SLTM: variants seen among roughly 807,000 people sequenced by gnomAD.
SLTM encodes SAFB like transcription modulator.
In SLTM, 43 loss-of-function variants were observed where a neutral mutation model predicts 134.6. The ratio of observed to expected loss-of-function variants is 0.32; its 90% CI spans 0.25 to 0.41. The LOEUF (loss-of-function observed/expected upper bound fraction) is 0.41, where lower values mean the gene tolerates loss of function less well. Among genes scored for constraint, SLTM ranks in the 10% least tolerant of loss-of-function variants. SLTM has a pLI of 1.00. For synonymous variants in SLTM, 424 were observed against 432.3 expected, an observed-to-expected ratio of 0.98 and a Z score of 0.24; for missense variants, 1,055 against 1,288.8, an observed-to-expected ratio of 0.82 and a Z score of 2.78.
At chr15:58,928,321 T>C (rs1014366791) in intron 2 of SLTM, among the ~76,000 whole-genome samples, 22 of 152,310 alleles carry the variant, frequency 1.4e-4, no homozygotes, top group African/African-American at 4.3e-4. Context: ...CCTGTTTAAC[T>C]ACTTTTTAAA....
chr15:58,884,561 C>T (rs1289485155), intron 19 of SLTM, among the ~76,000 whole-genome samples: 1 of 152,134 alleles, frequency 6.6e-6, no homozygotes, highest in Non-Finnish European at 1.5e-5. Flanking sequence ...TCATGATCCG[C>T]CCGCCTAGGC....
intron 19 of SLTM, among the ~76,000 whole-genome samples, chr15:58,886,259 G>A (rs867271113): frequency 1.9e-5 from 2 of 107,782 alleles, no homozygotes; most frequent in Non-Finnish European, 1.9e-5. Context: ...GTGTGTGTGT[G>A]TGTGTGTATT....
At chr15:58,913,354 T>C in intron 4 of SLTM, 145 bp downstream of exon 4, 1 of 583,128 alleles carries the variant, frequency 1.7e-6, no homozygotes, top group Non-Finnish European at 2.8e-6. Flanking sequence ...CCTAAGGTGG[T>C]AGGATTTTAG....
intron 14 of SLTM, 90 bp from the exon 15 acceptor site, chr15:58,890,551 G>A: frequency 7.4e-7 from 1 of 1,354,884 alleles, no homozygotes; most frequent in African/African-American, 1.5e-5. Flanking sequence ...CCTTGAGGTT[G>A]GCAATTTTAA....
At chr15:58,921,643 T>C (rs1167925937) in intron 2 of SLTM, 2 of 392,266 alleles carry the variant, frequency 5.1e-6, no homozygotes, top group Admixed American at 2.9e-5. Flanking sequence ...AACAACCTGA[T>C]AGATACATAG....
chr15:58,903,265 C>T (rs909361442), intron 5 of SLTM, among the ~76,000 whole-genome samples: 1 of 152,092 alleles, frequency 6.6e-6, no homozygotes, highest in Non-Finnish European at 1.5e-5. Context: ...GAACTCCTGA[C>T]CTCAGGTGAT....
chr15:58,891,021 C>CA (rs1250488358), intron 14 of SLTM, among the ~76,000 whole-genome samples: 1 of 152,148 alleles, frequency 6.6e-6, no homozygotes, highest in Non-Finnish European at 1.5e-5. Flanking sequence ...TTTTCTGAGT[C>CA]AGAGGTAGTT....
chr15:58,921,585 C>A (rs1259864452), intron 2 of SLTM: 1 of 445,088 alleles, frequency 2.2e-6, no homozygotes, highest in East Asian at 7.1e-5. Context: ...AGCTTGTAAT[C>A]TTAAAAGACA....
intron 20 of SLTM, 108 bp downstream of exon 20, chr15:58,883,518 C>G (rs1177743845): frequency 7.0e-7 from 1 of 1,430,106 alleles, no homozygotes; most frequent in East Asian, 2.3e-5. Context: ...TCAGGCAGAT[C>G]TAGGGTTTTC....
rs1407975320 is a variant in SLTM, at chr15:58,893,984, T to C, written c.1485A>G (p.Thr495=). Residue 495 remains threonine (T), a synonymous_variant, in exon 12 of 21, where the codon ACA becomes ACG. Transcript: ENST00000380516. ...KKNTSDRSSK[T]QASVKKEEKR... is the part of the protein sequence containing the mutation. ...TCTCTTCTTTTTTGACAGAGGCTTG[T>C]GTCCTGACCATACCGCCCCAGACAA... 1.2e-6 allele frequency: 2 copies of C among 1,607,624 alleles called. No individual in the cohort carries two copies. The highest frequency in any genetic ancestry group is 2.2e-5 in the South Asian group (2 of 89,104).
chr15:58,911,997 G>C (rs1471264117), intron 5 of SLTM, among the ~76,000 whole-genome samples: 1 of 151,938 alleles, frequency 6.6e-6, no homozygotes. Context: ...CCAGAGTTAG[G>C]TTTTACAGAA....
chr15:58,910,977 C>T (rs1212826703), intron 5 of SLTM, among the ~76,000 whole-genome samples: 1 of 152,056 alleles, frequency 6.6e-6, no homozygotes, highest in African/African-American at 2.4e-5. Context: ...AACTCCTGAC[C>T]TTGTGATCTG....
At chr15:58,930,281 A>ATTTTTTTTTTT (rs34150533) in intron 2 of SLTM, among the ~76,000 whole-genome samples, 2 of 117,650 alleles carry the variant, frequency 1.7e-5, no homozygotes, top group African/African-American at 6.6e-5. Flanking sequence ...ATGCCCAGCT[A>ATTTTTTTTTTT]TTTTTTTTTT....
chr15:58,886,263 G>A (rs1450743619), intron 19 of SLTM, among the ~76,000 whole-genome samples: 11 of 103,064 alleles, frequency 1.1e-4, no homozygotes, highest in African/African-American at 3.7e-4. Context: ...GTGTGTGTGT[G>A]TGTATTTTTT....
intron 1 of SLTM, among the ~76,000 whole-genome samples, chr15:58,932,657 A>C (rs2037959555): frequency 6.6e-6 from 1 of 152,226 alleles, no homozygotes; most frequent in African/African-American, 2.4e-5. Context: ...AATCGCAAGG[A>C]GTTTTAAATT....
At position 58,879,897 on chromosome 15, in the gene SLTM, C is replaced by A; in HGVS notation, c.*102G>T. The stretch of plus-strand genomic sequence containing the variant: ...TAAATTTTTAAAAAGAAAAGTCTGA[C>A]AGAACTCTCAAGCAAGTCAGAGGTC... On this transcript the variant is annotated 3_prime_UTR_variant, in exon 21 of 21. Transcript: ENST00000380516. 7.3e-7 allele frequency: 1 copy of A among 1,370,364 alleles called. No homozygotes were observed. 84.9% of individuals were successfully genotyped at this position (1,370,364 alleles called of 1,614,324 possible).
At position 58,933,629 on chromosome 15, in the gene SLTM, C is replaced by G. The variant is rs1483974057; in HGVS notation, c.-64G>C. 1.4e-6 allele frequency: 2 copies of G among 1,447,148 alleles called. No individual in the cohort carries two copies. Among genetic ancestry groups the G allele is most frequent in the South Asian group, 2.7e-5 (2 of 73,256 alleles). 89.6% of individuals were successfully genotyped at this position (1,447,148 alleles called of 1,614,324 possible). The stretch of plus-strand genomic sequence containing the variant: ...TGCAGGGCGGCGGCAGCAGCGCCAA[C>G]TTCCACCCAGGCCTCGGCGGCCGCC... On this transcript the variant is annotated 5_prime_UTR_variant, in exon 1 of 21. Coordinates refer to ENST00000380516, the MANE Select transcript of SLTM (RefSeq NM_024755.4).
At chr15:58,931,828 T>C (rs1420463473) in intron 2 of SLTM, among the ~76,000 whole-genome samples, 1 of 152,212 alleles carries the variant, frequency 6.6e-6, no homozygotes, top group Admixed American at 6.5e-5. Flanking sequence ...TCATGGATTT[T>C]TCCCTCTACC....
At chr15:58,892,781 CTTT>C in intron 14 of SLTM, 113 bp downstream of exon 14, 3 of 1,069,654 alleles carry the variant, frequency 2.8e-6, no homozygotes, top group Middle Eastern at 2.1e-4. Flanking sequence ...ACCGTAACTT[CTTT>C]AAGGTGGCAA....
Sources: gnomAD v4.1 joint callset for allele counts (sites outside exome capture counted in the v4.1 genomes callset) on GRCh38, gnomAD v4.1.1 for gene constraint, MANE v1.5 for transcripts, NCBI Gene and HGNC (gene_info 2026-07-23, HGNC 2026-07-21) for gene names.